UBR1: variants seen among roughly 807,000 people sequenced by gnomAD.
The protein encoded by UBR1 is ubiquitin protein ligase E3 component n-recognin 1, also known as E3 ubiquitin-protein ligase UBR1.
Under a neutral mutation model 242.1 loss-of-function variants are expected in UBR1, and 102 were observed. The ratio of observed to expected loss-of-function variants is 0.42; its 90% confidence interval spans 0.36 to 0.50. The LOEUF (loss-of-function observed/expected upper bound fraction) is 0.50, where lower values mean the gene tolerates loss of function less well. Ranked by LOEUF, UBR1 falls within the 20% of genes least tolerant of loss-of-function variation. The pLI is 0.01. For missense variants in UBR1, 1,772 were observed against 2,101.8 expected (o/e 0.84, Z 3.07); for synonymous variants, 675 against 684.8 (o/e 0.99, Z 0.22).
intron 40 of UBR1, 127 bp downstream of exon 40, chr15:42,970,393 C>A (rs1388175057): frequency 1.0e-6 from 1 of 1,003,152 alleles, no homozygotes; most frequent in Non-Finnish European, 1.5e-6. Context: ...AAAAACCCTA[C>A]AAGAAAACCT....
intron 33 of UBR1, among the ~76,000 whole-genome samples, chr15:42,997,027 CCTTGGGAAT>C (rs2032651032): frequency 6.6e-6 from 1 of 152,154 alleles, no homozygotes; most frequent in Non-Finnish European, 1.5e-5. Context: ...CTGTTGGGAA[CCTTGGGAAT>C]GGGCTGCACA....
intron 4 of UBR1, among the ~76,000 whole-genome samples, chr15:43,071,606 T>C (rs550314015): frequency 1.3e-5 from 2 of 152,168 alleles, no homozygotes; most frequent in East Asian, 1.9e-4. Flanking sequence ...ACGGTTAAGA[T>C]GATAAATTAA....
rs1369589691 is a variant in UBR1 at position 42,952,301 on chromosome 15, T to G, written c.4983A>C (p.Gly1661=). 1 of 1,614,184 alleles carries G rather than the reference T, an allele frequency of 6.2e-7. No individual in the cohort carries two copies. Among genetic ancestry groups the G allele is most frequent in the Non-Finnish European group, 8.5e-7 (1 of 1,180,038 alleles). The stretch of plus-strand genomic sequence containing the variant: ...ACTTTAGGAAAATGCAGACTCCGGC[T>G]CCACAGTGAAGTGCGTGAAAAATGC... The part of the protein sequence containing the change: ...GACIFHALHC[G]AGVCIFLKIR... Residue 1661 remains glycine, a synonymous_variant, in exon 45 of 47, where the codon GGA becomes GGC. Transcript: ENST00000290650.
At chr15:43,099,712 C>T (rs751388262) in intron 1 of UBR1, among the ~76,000 whole-genome samples, 2 of 152,136 alleles carry the variant, frequency 1.3e-5, no homozygotes, top group African/African-American at 2.4e-5. Flanking sequence ...GTGCTAGAAA[C>T]TAGATACAGC....
At chr15:43,055,242 C>G (rs1028417761) in intron 11 of UBR1, among the ~76,000 whole-genome samples, 1 of 152,000 alleles carries the variant, frequency 6.6e-6, no homozygotes, top group Non-Finnish European at 1.5e-5. Context: ...CTCAGGAGTT[C>G]GAGACTATCC....
intron 33 of UBR1, among the ~76,000 whole-genome samples, chr15:42,994,006 T>C (rs948352335): frequency 6.6e-5 from 10 of 152,198 alleles, no homozygotes; most frequent in African/African-American, 2.4e-4. Flanking sequence ...GGATTTGATC[T>C]GTGTTGTTCT....
intron 1 of UBR1, among the ~76,000 whole-genome samples, chr15:43,087,137 G>A (rs564770910): frequency 5.7e-4 from 87 of 152,316 alleles, no homozygotes; most frequent in African/African-American, 2.0e-3. Context: ...CGGGCGCGGT[G>A]GCTCACACCT....
chr15:42,977,335 C>A (rs1441937015), intron 38 of UBR1, among the ~76,000 whole-genome samples: 1 of 152,110 alleles, frequency 6.6e-6, no homozygotes, highest in Non-Finnish European at 1.5e-5. Context: ...GTTGGCTACC[C>A]CTGCATCCAT....
chr15:43,021,085 T>A (rs1007795537), intron 27 of UBR1, 190 bp downstream of exon 27: 1 of 514,872 alleles, frequency 1.9e-6, no homozygotes, highest in African/African-American at 1.9e-5. Flanking sequence ...ACAAAAAAAA[T>A]GAATAAATCT....
intron 33 of UBR1, among the ~76,000 whole-genome samples, chr15:42,991,546 A>AT (rs1353990250): frequency 6.6e-6 from 1 of 151,660 alleles, no homozygotes. Flanking sequence ...TTCTTCAAAT[A>AT]TTTTTTCTGC....
At chr15:43,073,219 ATGT>A (rs2033845535) in intron 4 of UBR1, among the ~76,000 whole-genome samples, 2 of 152,152 alleles carry the variant, frequency 1.3e-5, no homozygotes, top group African/African-American at 4.8e-5. Flanking sequence ...ATTAATGATG[ATGT>A]TAATATTAAT....
chr15:42,993,394 C>T (rs1371110056), intron 33 of UBR1, among the ~76,000 whole-genome samples: 3 of 150,218 alleles, frequency 2.0e-5, no homozygotes, highest in Non-Finnish European at 3.0e-5. Flanking sequence ...GACAGAGTCT[C>T]GCTGTATCAC....
intron 46 of UBR1, 22 bp downstream of exon 46, chr15:42,950,240 T>C: frequency 1.2e-5 from 19 of 1,596,292 alleles, no homozygotes; most frequent in Non-Finnish European, 1.5e-5. Flanking sequence ...GAAACCTTCC[T>C]ATTATATAAA....
Position 43,007,084 on chromosome 15 carries a change from G to A in UBR1, c.3410C>T (p.Ser1137Leu), listed in dbSNP as rs1175699332. 2.5e-6 allele frequency: 4 copies of A among 1,614,030 alleles called. No homozygotes were observed. In the South Asian group the frequency reaches 4.4e-5, roughly 18 times the overall value. The change falls in exon 30 of 47, where the codon TCA (serine) becomes TTA (leucine). Residue 1137 changes from serine to leucine, a missense_variant. Ser to Leu is a moderately radical substitution (Grantham distance 145, BLOSUM62 -2). Coordinates refer to ENST00000290650, the MANE Select transcript of UBR1 (RefSeq NM_174916.3). ...ATTTATTAAATAATACATACCTCCT[G>A]AGAGTTCTATGGGTTTTCCCCTGTG... ...TQHRGKPIEL[S>L]GEALDPLFMD...
chr15:42,957,880 C>T, intron 44 of UBR1, 133 bp downstream of exon 44: 2 of 806,098 alleles, frequency 2.5e-6, no homozygotes, highest in Non-Finnish European at 2.0e-6. Context: ...AACAAACAAA[C>T]AAAAACAAAA....
chr15:42,967,716 G>A (rs1234994085), intron 40 of UBR1, among the ~76,000 whole-genome samples: 1 of 151,576 alleles, frequency 6.6e-6, no homozygotes, highest in Non-Finnish European at 1.5e-5. Flanking sequence ...GGGGGAGGGA[G>A]CAAATGGCGA....
chr15:43,042,719 G>C (rs2033435741), intron 15 of UBR1, among the ~76,000 whole-genome samples: 1 of 152,218 alleles, frequency 6.6e-6, no homozygotes, highest in South Asian at 2.1e-4. Context: ...TTTATGTCAT[G>C]TACATTTTAT....
At chr15:43,046,552 A>G (rs1394739516) in intron 14 of UBR1, among the ~76,000 whole-genome samples, 1 of 152,202 alleles carries the variant, frequency 6.6e-6, no homozygotes, top group African/African-American at 2.4e-5. Context: ...AGAGACAAAA[A>G]GGAAAAGACC....
At chr15:43,027,948 A>T in intron 21 of UBR1, 120 bp from the exon 22 acceptor site, 1 of 867,552 alleles carries the variant, frequency 1.2e-6, no homozygotes, top group Admixed American at 2.3e-5. Flanking sequence ...TAAAAAGATC[A>T]ATTTCCACTA....
Sources: gnomAD v4.1 joint callset for allele counts (sites outside exome capture counted in the v4.1 genomes callset) on GRCh38, gnomAD v4.1.1 for gene constraint, MANE v1.5 for transcripts, NCBI Gene and HGNC (gene_info 2026-07-23, HGNC 2026-07-21) for gene names.